Variants in CASKIN2 observed in about 807,000 individuals in gnomAD.
CASKIN2 encodes caskin-2.
A neutral mutation model predicts 107.1 loss-of-function variants in CASKIN2; 41 were observed. The observed-to-expected ratio is 0.38, with a 90% CI of 0.30 to 0.50. The LOEUF (loss-of-function observed/expected upper bound fraction) is 0.50. CASKIN2 is among the 20% of genes least tolerant of loss of function. The pLI is 0.92. For synonymous variants in CASKIN2, 724 were observed against 705.6 expected, an observed-to-expected ratio of 1.03 and a Z score of -0.41; for missense variants, 1,546 against 1,657.4, an observed-to-expected ratio of 0.93 and a Z score of 1.17.
rs2053261745 is a variant in CASKIN2, at chr17:75,506,051, G to A, written c.727-122C>T. On this transcript the variant is annotated intron_variant, in intron 8 of 19. Transcript: ENST00000321617. The surrounding 1 kb of genome is among the most constrained non-coding windows in gnomAD (Gnocchi z 4.8). Reference sequence around the variant, plus strand: ...CCGATTTTACAGATGAGGACATAGAGGCTCAGGGACTCAGTCAAGGACAAG... The same window carrying A: ...CCGATTTTACAGATGAGGACATAGAAGCTCAGGGACTCAGTCAAGGACAAG... The A allele has an allele frequency of 1.2e-6, 1 of 840,124 alleles. No individual in the cohort carries two copies. Among genetic ancestry groups the A allele is most frequent in the South Asian group, 1.7e-5 (1 of 60,152 alleles). 52.0% of individuals were successfully genotyped at this position (840,124 alleles called of 1,614,324 possible).
chr17:75,514,992 T>G (rs35643020), intron 1 of CASKIN2, among the ~76,000 whole-genome samples: 87,755 of 151,734 alleles, frequency 0.58, 26,782 homozygotes, highest in Non-Finnish European at 0.69. Flanking sequence ...CAGAGTCTTG[T>G]GGCATGAGAT....
In CASKIN2 at chr17:75,504,864, G is replaced by A; in HGVS notation, c.1140C>T (p.His380=). 1 of 1,611,558 alleles carries A rather than the reference G, an allele frequency of 6.2e-7. No individual in the cohort carries two copies. Among genetic ancestry groups the A allele is most frequent in the Non-Finnish European group, 8.5e-7 (1 of 1,179,360 alleles). Residue 380 remains histidine, a synonymous_variant, in exon 11 of 20, where the codon CAC becomes CAT. Coordinates refer to ENST00000321617, the MANE Select transcript of CASKIN2 (RefSeq NM_020753.5). ...GAGGAAGCTGGCTGTAGGTAAGAGG[G>A]TGCGGGGGTTCTTCGGCAGGAGGCT... ...TPQPPAEEPP[H]PLTYSQLPRV... is the part of the protein sequence containing the mutation.
At position 75,501,684 on chromosome 17, in the gene CASKIN2, G is replaced by A; in HGVS notation, c.3302C>T (p.Ala1101Val). 1 of 1,567,100 alleles carries A rather than the reference G, an allele frequency of 6.4e-7. No individual in the cohort carries two copies. Among genetic ancestry groups the A allele is most frequent in the East Asian group, 2.3e-5 (1 of 44,190 alleles). The change falls in exon 19 of 20, where the codon GCC becomes GTC. Residue 1101 changes from alanine to valine, a missense_variant. Around this residue, in one of 6 missense-constraint regions of CASKIN2, gnomAD observed 1,311 missense variants for 1,311.0 expected, o/e 1.00. Transcript: ENST00000321617. ...GCAGGCCACCGACACAGGCTTGGGG[G>A]CTGTTCCTGCAGAGACAAAAAGGTT... ...ALLKVPGAGT[A>V]PKPVSVACTQ...
chr17:75,501,292 G>T, intron 19 of CASKIN2, 122 bp from the exon 20 acceptor site: 1 of 1,195,834 alleles, frequency 8.4e-7, no homozygotes, highest in Non-Finnish European at 1.2e-6. Context: ...AGGCTCCTGT[G>T]CCTCTTAAAT....
chr17:75,512,402 G>A (rs564796295), intron 2 of CASKIN2, among the ~76,000 whole-genome samples: 69 of 152,216 alleles, frequency 4.5e-4, no homozygotes, highest in Admixed American at 4.3e-3. Flanking sequence ...GTGGGGGGTC[G>A]CACCACAGAG....
In CASKIN2 at chr17:75,502,578, C is replaced by T. The variant is rs970002382; in HGVS notation, c.2496G>A (p.Arg832=). Reference sequence around the variant, plus strand: ...TCCGGACAAGGGCACTGCGTCCTGGCCGCCGGGTAAGGGTAGCATAACTGC... The same window carrying T: ...TCCGGACAAGGGCACTGCGTCCTGGTCGCCGGGTAAGGGTAGCATAACTGC... The part of the protein sequence containing the change: ...TLGSYATLTR[R]PGRSALVRTS... The change falls in exon 18 of 20, where the codon CGG becomes CGA. Residue 832 remains arginine, a synonymous_variant. Coordinates refer to ENST00000321617, the MANE Select transcript of CASKIN2 (RefSeq NM_020753.5). This position sits in a 1 kb window ranked among gnomAD's most constrained non-coding sequence, Gnocchi z 4.3. The T allele has an allele frequency of 1.3e-6, 2 of 1,588,390 alleles. No individual in the cohort carries two copies. The highest frequency in any genetic ancestry group is 1.3e-5 in the African/African-American group (1 of 74,622).
At position 75,504,576 on chromosome 17, in the gene CASKIN2, G is replaced by T; in HGVS notation, c.1310C>A (p.Ala437Asp). ...TCCGTGACCCCATCATCCTACCTGGGCGTTCTCAATCAGGAGGCCAGGGCC... is the reference window on the plus strand; with the variant it reads ...TCCGTGACCCCATCATCCTACCTGGTCGTTCTCAATCAGGAGGCCAGGGCC... ...GHGPGLLIEN[A>D]QPLPSAGEDQ... Residue 437 changes from alanine (A) to aspartate (D), a missense_variant, in exon 12 of 20, where the codon GCC becomes GAC. By Grantham distance (126) the Ala-to-Asp change is moderately radical (BLOSUM62 -2). Transcript: ENST00000321617. 2 of 1,598,244 alleles carry T rather than the reference G, an allele frequency of 1.3e-6. No individual in the cohort carries two copies. The highest frequency in any genetic ancestry group is 1.7e-6 in the Non-Finnish European group (2 of 1,168,806).
rs771609546 is a variant in CASKIN2 at position 75,504,913 on chromosome 17, C to T, written c.1091G>A (p.Arg364His). The stretch of plus-strand genomic sequence containing the variant: ...CTGCGGTGTCCGGGAGAAGCCTGGG[C>T]GCAGGGGGGTGGGTGCGGAGGGGAG... ...ARLPSAPTPL[R>H]PGFSRTPQPP... Residue 364 changes from arginine to histidine, a missense_variant, in exon 11 of 20, where the codon CGC (arginine) becomes CAC (histidine). By Grantham distance (29) the Arg-to-His change is conservative (BLOSUM62 0). Coordinates refer to ENST00000321617, the MANE Select transcript of CASKIN2 (RefSeq NM_020753.5). 1.8e-5 allele frequency: 28 copies of T among 1,594,466 alleles called. No homozygotes were observed. In the Admixed American group the frequency reaches 2.0e-4, roughly 12 times the overall value.
chr17:75,502,831 C>G lies in CASKIN2; in HGVS notation c.2243G>C (p.Gly748Ala), dbSNP rs1476669694. ...AAAAACATAGGGTGGGGGTCCTTGG[C>G]CAGGAAGTGAAGAACAAAGCTTAGG... ...RPPKLCSSLPGQGPPPYVFMY... is the reference protein window; with the variant it reads ...RPPKLCSSLPAQGPPPYVFMY... The change falls in exon 18 of 20, where the codon GGC becomes GCC. Residue 748 changes from glycine to alanine, a missense_variant. Gly to Ala is a moderately conservative substitution (Grantham distance 60). Transcript: ENST00000321617. This position sits in a 1 kb window ranked among gnomAD's most constrained non-coding sequence, Gnocchi z 4.3. 1 of 1,554,834 alleles carries G rather than the reference C, an allele frequency of 6.4e-7. No individual in the cohort carries two copies. Among genetic ancestry groups the G allele is most frequent in the Non-Finnish European group, 8.7e-7 (1 of 1,150,352 alleles).
chr17:75,501,157 A>T lies in CASKIN2; in HGVS notation c.3532T>A (p.Ser1178Thr). Residue 1178 changes from serine to threonine, a missense_variant, in exon 20 of 20, where the codon TCC becomes ACC. This residue lies in a region of CASKIN2 where 1,311 missense variants were observed against 1,311.0 expected (regional missense o/e 1.00). Transcript: ENST00000321617. Reference sequence around the variant, plus strand: ...ATGTCATCCAGAATGTGCTTGGTGGAGGCGCTGGGGGTGCTGCAGCAAGGG... The same window carrying T: ...ATGTCATCCAGAATGTGCTTGGTGGTGGCGCTGGGGGTGCTGCAGCAAGGG... ...TKEQEGTPSASTKHILDDIST... is the reference protein window; with the variant it reads ...TKEQEGTPSATTKHILDDIST... The T allele has an allele frequency of 6.3e-7, 1 of 1,589,384 alleles. No homozygotes were observed. Among genetic ancestry groups the T allele is most frequent in the Non-Finnish European group, 8.6e-7 (1 of 1,167,894 alleles).
chr17:75,501,654 T>C lies in CASKIN2; in HGVS notation c.3332A>G (p.Gln1111Arg), dbSNP rs777042974. The change falls in exon 19 of 20, where the codon CAG becomes CGG. Residue 1111 changes from glutamine (Q) to arginine (R), a missense_variant. By Grantham distance (43) the Gln-to-Arg change is conservative. This residue lies in a region of CASKIN2 where 1,311 missense variants were observed against 1,311.0 expected (regional missense o/e 1.00). Coordinates refer to ENST00000321617, the MANE Select transcript of CASKIN2 (RefSeq NM_020753.5). ...APKPVSVACT[Q>R]LAFSGPKLAP... The stretch of plus-strand genomic sequence containing the variant: ...TAGCTTAGGGCCAGAAAATGCCAGC[T>C]GGGTGCAGGCCACCGACACAGGCTT... The C allele has an allele frequency of 3.8e-6, 6 of 1,588,624 alleles. No homozygotes were observed. The East Asian group carries it at 6.8e-5, about 18-fold the overall frequency.
Position 75,504,921 on chromosome 17 carries a change from G to C in CASKIN2, c.1083C>G (p.Thr361=), listed in dbSNP as rs753590938. The change falls in exon 11 of 20, where the codon ACC becomes ACG. Residue 361 remains threonine (T), a synonymous_variant. Coordinates refer to ENST00000321617, the MANE Select transcript of CASKIN2 (RefSeq NM_020753.5). ...TCCGGGAGAAGCCTGGGCGCAGGGG[G>C]GTGGGTGCGGAGGGGAGGCGGGCTG... ...IPAARLPSAP[T]PLRPGFSRTP... is the part of the protein sequence containing the mutation. 6.2e-7 allele frequency: 1 copy of C among 1,609,590 alleles called. No individual in the cohort carries two copies. The highest frequency in any genetic ancestry group is 8.5e-7 in the Non-Finnish European group (1 of 1,178,052).
At position 75,505,282 on chromosome 17, in the gene CASKIN2, T is replaced by C; in HGVS notation, c.931-209A>G. 3.1e-6 allele frequency: 2 copies of C among 644,062 alleles called. No individual in the cohort carries two copies. Among genetic ancestry groups the C allele is most frequent in the Non-Finnish European group, 2.7e-6 (1 of 374,306 alleles). The allele number at this position is 644,062 out of a possible 1,614,324, so 39.9% of individuals were successfully genotyped here. ...CCTGTGCCTCCAGGGCGAGCCCCAG[T>C]GGCAGCCCGTGGTCAAATCACAGCT... On this transcript the variant is annotated intron_variant, in intron 10 of 19. Coordinates refer to ENST00000321617, the MANE Select transcript of CASKIN2 (RefSeq NM_020753.5). This position sits in a 1 kb window ranked among gnomAD's most constrained non-coding sequence, Gnocchi z 5.1.
chr17:75,502,031 T>C lies in CASKIN2; in HGVS notation c.3043A>G (p.Thr1015Ala), dbSNP rs371392343. ...GGCAGTGGGGCAGCGGGGCCAGGCG[T>C]GGCACTGGCCACTCCGAAGGCCAGC... is the stretch of plus-strand genomic sequence containing the variant. Reference protein sequence around the residue: ...ALLAFGVASATPGPAAPLPSP... With the variant: ...ALLAFGVASAAPGPAAPLPSP... The change falls in exon 18 of 20, where the codon ACG becomes GCG. Residue 1015 changes from threonine (T) to alanine (A), a missense_variant. By Grantham distance (58) the Thr-to-Ala change is moderately conservative. Coordinates refer to ENST00000321617, the MANE Select transcript of CASKIN2 (RefSeq NM_020753.5). The surrounding 1 kb of genome is among the most constrained non-coding windows in gnomAD (Gnocchi z 4.3). 89 of 1,612,224 alleles carry C rather than the reference T, an allele frequency of 5.5e-5. 1 individual carries two copies. Among genetic ancestry groups the C allele is most frequent in the East Asian group, 4.5e-4 (20 of 44,846 alleles).
In CASKIN2 at chr17:75,502,082, C is replaced by T. The variant is rs1343721345; in HGVS notation, c.2992G>A (p.Glu998Lys). The T allele has an allele frequency of 1.2e-6, 2 of 1,611,064 alleles. No individual in the cohort carries two copies. Among genetic ancestry groups the T allele is most frequent in the Non-Finnish European group, 1.7e-6 (2 of 1,179,928 alleles). Reference sequence around the variant, plus strand: ...AGTGCGGTCTGCAGTGGCTCTCTCTCCCGGCACTTGGGCCTCCGCTTAACA... The same window carrying T: ...AGTGCGGTCTGCAGTGGCTCTCTCTTCCGGCACTTGGGCCTCCGCTTAACA... Reference protein sequence around the residue: ...DTVKRRPKCREREPLQTALLA... With the variant: ...DTVKRRPKCRKREPLQTALLA... Residue 998 changes from glutamate (E) to lysine (K), a missense_variant, in exon 18 of 20, where the codon GAG (glutamate) becomes AAG (lysine). Physicochemically the swap from Glu to Lys is moderately conservative, Grantham distance 56. This residue lies in a region of CASKIN2 where 1,311 missense variants were observed against 1,311.0 expected (regional missense o/e 1.00). Coordinates refer to ENST00000321617, the MANE Select transcript of CASKIN2 (RefSeq NM_020753.5). This position sits in a 1 kb window ranked among gnomAD's most constrained non-coding sequence, Gnocchi z 4.3.
At position 75,505,504 on chromosome 17, in the gene CASKIN2, A is replaced by G. The variant is rs750917338; in HGVS notation, c.930+53T>C. 11 of 1,556,766 alleles carry G rather than the reference A, an allele frequency of 7.1e-6. No homozygotes were observed. The highest frequency in any genetic ancestry group is 1.8e-6 in the Non-Finnish European group (2 of 1,128,942). On this transcript the variant is annotated intron_variant, in intron 10 of 19. Coordinates refer to ENST00000321617, the MANE Select transcript of CASKIN2 (RefSeq NM_020753.5). The surrounding 1 kb of genome is among the most constrained non-coding windows in gnomAD (Gnocchi z 5.1). The stretch of plus-strand genomic sequence containing the variant: ...TGGTAACATAGCAGGTGCCCAAATA[A>G]GTAACAGCAATCATTTGTATTTGCA...
chr17:75,501,903 G>A lies in CASKIN2; in HGVS notation c.3171C>T (p.Pro1057=), dbSNP rs745520013. ...QGVPTPLAPS[P]AMQPPVPPCP... ...AGGGCGGCACTGGAGGCTGCATGGC[G>A]GGGCTGGGAGCAAGGGGGGTTGGAA... Residue 1057 remains proline, a synonymous_variant, in exon 18 of 20, where the codon CCC becomes CCT. Coordinates refer to ENST00000321617, the MANE Select transcript of CASKIN2 (RefSeq NM_020753.5). The A allele has an allele frequency of 2.5e-6, 4 of 1,572,488 alleles. No homozygotes were observed. Among genetic ancestry groups the A allele is most frequent in the African/African-American group, 1.3e-5 (1 of 74,146 alleles).
chr17:75,501,483 G>A lies in CASKIN2; in HGVS notation c.3503C>T (p.Thr1168Ile), dbSNP rs936362353. 7.5e-6 allele frequency: 12 copies of A among 1,610,618 alleles called. No individual in the cohort carries two copies. In the African/African-American group the frequency reaches 1.6e-4, roughly 22 times the overall value. Residue 1168 changes from threonine (T) to isoleucine (I), a missense_variant, in exon 19 of 20, where the codon ACC (threonine) becomes ATC (isoleucine). By Grantham distance (89) the Thr-to-Ile change is moderately conservative (BLOSUM62 -1). Transcript: ENST00000321617. ...ALRAAEKSIG[T>I]KEQEGTPSAS... ...CCCCCCTCACCCCTCTTGCTCCTTGGTGCCAATGCTCTTCTCTGCGGCTCT... is the reference window on the plus strand; with the variant it reads ...CCCCCCTCACCCCTCTTGCTCCTTGATGCCAATGCTCTTCTCTGCGGCTCT...
chr17:75,514,494 C>A (rs2147001061), intron 1 of CASKIN2, among the ~76,000 whole-genome samples: 1 of 152,264 alleles, frequency 6.6e-6, no homozygotes, highest in African/African-American at 2.4e-5. Context: ...GGGGCCCTGG[C>A]AGCATGACAT....
Sources: gnomAD v4.1 joint callset for allele counts (sites outside exome capture counted in the v4.1 genomes callset) on GRCh38, gnomAD v4.1.1 for gene constraint, gnomAD v4.1.1 regional missense constraint, Gnocchi (gnomAD v3.1) non-coding constraint, MANE v1.5 for transcripts, NCBI Gene and HGNC (gene_info 2026-07-23, HGNC 2026-07-21) for gene names.